The following DNM1L variants were observed in gnomAD, a reference collection of about 807,000 sequenced individuals.
DNM1L encodes dynamin 1L.
Under a neutral mutation model 92.8 loss-of-function variants are expected in DNM1L, and 33 were observed. The ratio of observed to expected loss-of-function variants is 0.36; its 90% CI spans 0.27 to 0.48. DNM1L has a LOEUF of 0.48. DNM1L is among the 20% of genes least tolerant of loss of function. The pLI, the probability that DNM1L is intolerant of heterozygous loss-of-function variation, is 0.99. For synonymous variants in DNM1L, 284 were observed against 305.0 expected (o/e 0.93, Z 0.72); for missense variants, 485 against 888.8 (o/e 0.55, Z 5.78).
At chr12:32,742,933 TCGCCCAGG>T (rs1475211212) in intron 19 of DNM1L, among the ~76,000 whole-genome samples, 185 bp downstream of exon 19, 1 of 142,752 alleles carries the variant, frequency 7.0e-6, no homozygotes, top group Non-Finnish European at 1.5e-5. Flanking sequence ...TCTGGCTCTG[TCGCCCAGG>T]CTGGAGTGCA....
At chr12:32,689,398 TG>T (rs1240509311) in intron 1 of DNM1L, among the ~76,000 whole-genome samples, 1 of 152,090 alleles carries the variant, frequency 6.6e-6, no homozygotes, top group African/African-American at 2.4e-5. Context: ...GGTTTCTCCA[TG>T]TTAGTCAGTC....
At chr12:32,705,640 C>T (rs903696225) in intron 2 of DNM1L, 30 of 569,398 alleles carry the variant, frequency 5.3e-5, no homozygotes, top group Admixed American at 1.6e-4. Context: ...TTTTGCACTG[C>T]GCAGTGGGAT....
At chr12:32,709,278 A>G (rs1192035307) in intron 4 of DNM1L, among the ~76,000 whole-genome samples, 1 of 152,126 alleles carries the variant, frequency 6.6e-6, no homozygotes, top group Non-Finnish European at 1.5e-5. Context: ...TCATTCCTCT[A>G]ATTATATCAG....
chr12:32,743,204 T>C, intron 19 of DNM1L, 150 bp from the exon 20 acceptor site: 1 of 746,690 alleles, frequency 1.3e-6, no homozygotes, highest in South Asian at 1.7e-5. Context: ...CGGTACTTGA[T>C]TAGATTCTAA....
intron 4 of DNM1L, chr12:32,709,417 T>TTCAGAATTTAGA (rs1953042547): frequency 6.6e-6 from 1 of 152,186 alleles, no homozygotes; most frequent in South Asian, 2.1e-4. Flanking sequence ...TTTAGAGTGT[T>TTCAGAATTTAGA]GTGATGATTC....
intron 13 of DNM1L, 176 bp from the exon 14 acceptor site, chr12:32,736,929 C>T (rs1954923217): frequency 1.6e-6 from 1 of 645,152 alleles, no homozygotes; most frequent in Non-Finnish European, 2.6e-6. Context: ...GATTAAGAAG[C>T]TTTGGGTTAA....
At chr12:32,691,862 A>G (rs145789044) in intron 1 of DNM1L, among the ~76,000 whole-genome samples, 67 of 152,318 alleles carry the variant, frequency 4.4e-4, no homozygotes, top group African/African-American at 1.4e-3. Flanking sequence ...CGACATCTTC[A>G]GGTCTCAATT....
chr12:32,732,399 A>G (rs954200657), intron 12 of DNM1L: 4 of 419,244 alleles, frequency 9.5e-6, no homozygotes, highest in African/African-American at 2.1e-5. Flanking sequence ...GCTTGCTACT[A>G]TTCTGTGGGT....
intron 1 of DNM1L, among the ~76,000 whole-genome samples, chr12:32,685,440 A>AAGGCTT (rs1951970984): frequency 7.0e-6 from 1 of 142,916 alleles, no homozygotes; most frequent in Non-Finnish European, 1.5e-5. Context: ...GGCTTACCGC[A>AAGGCTT]ACCTCTGCCT....
intron 12 of DNM1L, chr12:32,732,512 TTTG>T (rs1954618700): frequency 2.2e-6 from 1 of 455,878 alleles, no homozygotes; most frequent in Non-Finnish European, 4.4e-6. Flanking sequence ...TTTTTTGTTT[TTTG>T]TTTTCTTTCT....
At chr12:32,694,858 G>A (rs1165009269) in intron 1 of DNM1L, among the ~76,000 whole-genome samples, 1 of 152,178 alleles carries the variant, frequency 6.6e-6, no homozygotes, top group Non-Finnish European at 1.5e-5. Flanking sequence ...GCAATCACTG[G>A]AAAGCTTTTT....
At chr12:32,714,000 C>G (rs1953248980) in intron 6 of DNM1L, among the ~76,000 whole-genome samples, 1 of 152,166 alleles carries the variant, frequency 6.6e-6, no homozygotes, top group African/African-American at 2.4e-5. Context: ...CTGTGGGTCA[C>G]TGATGCTTGA....
At chr12:32,700,513 G>C (rs1952658188) in intron 1 of DNM1L, among the ~76,000 whole-genome samples, 1 of 152,062 alleles carries the variant, frequency 6.6e-6, no homozygotes, top group African/African-American at 2.4e-5. Flanking sequence ...TTGGGAGACT[G>C]AGGTGGGAGG....
intron 19 of DNM1L, among the ~76,000 whole-genome samples, chr12:32,742,965 G>A (rs111393445): frequency 2.2e-5 from 3 of 137,310 alleles, no homozygotes; most frequent in Non-Finnish European, 3.0e-5. Flanking sequence ...GCACAATCTC[G>A]GCTCACTGCA....
intron 2 of DNM1L, among the ~76,000 whole-genome samples, chr12:32,705,203 A>G (rs1415252466): frequency 1.3e-5 from 2 of 151,826 alleles, no homozygotes; most frequent in African/African-American, 2.4e-5. Flanking sequence ...GGGTTTTGCC[A>G]TGTTGGCCAG....
chr12:32,696,851 C>G (rs1952489274), intron 1 of DNM1L, among the ~76,000 whole-genome samples: 1 of 147,078 alleles, frequency 6.8e-6, no homozygotes, highest in Admixed American at 6.8e-5. Context: ...TCTCAAACTC[C>G]CGACCTCAAG....
chr12:32,737,928 G>T lies in DNM1L; in HGVS notation c.1660G>T (p.Glu554Ter). ...GGAGCCCTCCCCCGCTGCTTCTGCTGAGGCTGATGGCAAGGTCTGTTCTGA... is the reference window on the plus strand; with the variant it reads ...GGAGCCCTCCCCCGCTGCTTCTGCTTAGGCTGATGGCAAGGTCTGTTCTGA... ...SQEPSPAASA[E>*]ADGKLIQDSR... is the part of the protein sequence containing the mutation. Residue 554 changes from glutamate to a stop codon, truncating the protein, a stop_gained, in exon 15 of 20, where the codon GAG (glutamate) becomes TAG (stop). Transcript: ENST00000549701. LOFTEE classifies it high-confidence loss of function. The T allele has an allele frequency of 6.2e-7, 1 of 1,613,900 alleles. No homozygotes were observed. The highest frequency in any genetic ancestry group is 8.5e-7 in the Non-Finnish European group (1 of 1,179,988).
chr12:32,707,909 C>G (rs1312869209), intron 3 of DNM1L, among the ~76,000 whole-genome samples: 1 of 151,650 alleles, frequency 6.6e-6, no homozygotes, highest in Non-Finnish European at 1.5e-5. Context: ...CGTGATTGTG[C>G]CACTGTACTC....
chr12:32,679,509 C>A, intron 1 of DNM1L, 44 bp downstream of exon 1: 1 of 1,565,580 alleles, frequency 6.4e-7, no homozygotes. Flanking sequence ...ACCCCGGCCG[C>A]AGGCCTGGTC....
Sources: gnomAD v4.1 joint callset for allele counts (sites outside exome capture counted in the v4.1 genomes callset) on GRCh38, gnomAD v4.1.1 for gene constraint, MANE v1.5 for transcripts, NCBI Gene and HGNC (gene_info 2026-07-23, HGNC 2026-07-21) for gene names.